Variants in GRIN3A observed in about 807,000 individuals in gnomAD.
GRIN3A encodes the protein glutamate ionotropic receptor NMDA type subunit 3A, also known as glutamate receptor ionotropic, NMDA 3A.
GRIN3A carries 47 observed loss-of-function variants against 92.4 expected under a neutral mutation model. The observed-to-expected ratio is 0.51, with a 90% CI of 0.40 to 0.65. The LOEUF (loss-of-function observed/expected upper bound fraction) is 0.65. Ranked by LOEUF, GRIN3A falls within the 30% of genes least tolerant of loss-of-function variation. The pLI is 0.00. For synonymous variants in GRIN3A, 527 were observed against 540.6 expected, an observed-to-expected ratio of 0.97 and a Z score of 0.35; for missense variants, 1,324 against 1,393.1, an observed-to-expected ratio of 0.95 and a Z score of 0.79.
At chr9:101,578,303 A>C (rs1286152195) in intron 7 of GRIN3A, among the ~76,000 whole-genome samples, 2 of 152,326 alleles carry the variant, frequency 1.3e-5, no homozygotes, top group African/African-American at 4.8e-5. Context: ...TCCCAGGATA[A>C]AAGTAGGAAG....
intron 6 of GRIN3A, among the ~76,000 whole-genome samples, chr9:101,584,400 G>T (rs1827924887): frequency 6.6e-6 from 1 of 152,180 alleles, no homozygotes; most frequent in South Asian, 2.1e-4. Context: ...AACATAGTTT[G>T]TATCTGATAC....
chr9:101,716,901 A>G (rs1296909535), intron 1 of GRIN3A, among the ~76,000 whole-genome samples: 2 of 152,192 alleles, frequency 1.3e-5, no homozygotes, highest in Non-Finnish European at 2.9e-5. Context: ...ATATCTGGCA[A>G]TGTTCCCTGT....
chr9:101,641,269 A>C lies in GRIN3A; in HGVS notation c.2353-12868T>G, dbSNP rs967030010. 2.6e-5 allele frequency among the ~76,000 whole-genome samples: 4 copies of C among 152,210 alleles called. No individual in the cohort carries two copies. In the South Asian group the frequency reaches 8.3e-4, roughly 31 times the overall value. ...TAGAACTAGAAATACCATTTGACCCAGCCATCCCATTACTGGGTATATACC... is the reference window on the plus strand; with the variant it reads ...TAGAACTAGAAATACCATTTGACCCCGCCATCCCATTACTGGGTATATACC... On this transcript the variant is annotated intron_variant, in intron 3 of 8. Coordinates refer to ENST00000361820, the MANE Select transcript of GRIN3A (RefSeq NM_133445.3).
rs906548185 is a variant in GRIN3A at position 101,726,752 on chromosome 9, T to A, written c.699+10529A>T. Among the ~76,000 whole-genome samples, 22 of 151,506 alleles carry A rather than the reference T, an allele frequency of 1.5e-4. No individual in the cohort carries two copies. In the East Asian group the frequency reaches 3.3e-3, roughly 23 times the overall value. On this transcript the variant is annotated intron_variant, in intron 1 of 8. Coordinates refer to ENST00000361820, the MANE Select transcript of GRIN3A (RefSeq NM_133445.3). Reference sequence around the variant, plus strand: ...TATTTATTTTAAATTTAAATTTAAATTTTTAAAAAGTTTTTTATTTTTGTG... The same window carrying A: ...TATTTATTTTAAATTTAAATTTAAAATTTTAAAAAGTTTTTTATTTTTGTG...
Position 101,670,137 on chromosome 9 carries a change from T to C in GRIN3A, c.2275A>G (p.Thr759Ala), listed in dbSNP as rs377021559. The C allele has an allele frequency of 6.2e-7, 1 of 1,613,652 alleles. No homozygotes were observed. The highest frequency in any genetic ancestry group is 8.5e-7 in the Non-Finnish European group (1 of 1,179,772). ...ACAGCAGCCAAGTTTGCCGTGTATG[T>C]GGAAAGGCAAAACATACAGAAAATG... ...WAIFCMFCLS[T>A]YTANLAAVMV... Residue 759 changes from threonine to alanine, a missense_variant, in exon 3 of 9, where the codon ACA becomes GCA. Transcript: ENST00000361820.
rs539384831 is a variant in GRIN3A at position 101,699,700 on chromosome 9, C to A, written c.700-12500G>T. ...CCAGACTATGCATGAGCCATCACAG[C>A]AGACTGTTATATATCCCCATGTATT... On this transcript the variant is annotated intron_variant, in intron 1 of 8. Coordinates refer to ENST00000361820, the MANE Select transcript of GRIN3A (RefSeq NM_133445.3). Among the ~76,000 whole-genome samples the A allele has an allele frequency of 1.5e-4, 23 of 152,282 alleles. 1 individual carries two copies. In the South Asian group the frequency reaches 3.5e-3, roughly 23 times the overall value.
At chr9:101,726,388 T>A (rs1378306328) in intron 1 of GRIN3A, among the ~76,000 whole-genome samples, 1 of 152,150 alleles carries the variant, frequency 6.6e-6, no homozygotes, top group Non-Finnish European at 1.5e-5. Context: ...AGAAGAGCCA[T>A]TGGGCCCCAG....
intron 6 of GRIN3A, chr9:101,594,742 G>T: frequency 6.2e-7 from 1 of 1,614,136 alleles, no homozygotes; most frequent in Non-Finnish European, 8.5e-7. Flanking sequence ...TGTCGAAGAC[G>T]TCGATCACTC....
chr9:101,605,817 C>T (rs1828273552), intron 6 of GRIN3A, among the ~76,000 whole-genome samples: 1 of 152,148 alleles, frequency 6.6e-6, no homozygotes, highest in Non-Finnish European at 1.5e-5. Flanking sequence ...CTCTGGGTTC[C>T]AAGGTTAGAG....
intron 3 of GRIN3A, among the ~76,000 whole-genome samples, chr9:101,643,066 T>G (rs946850894): frequency 6.6e-6 from 1 of 152,040 alleles, no homozygotes; most frequent in Non-Finnish European, 1.5e-5. Flanking sequence ...AAACCATCCT[T>G]CCCCACCATC....
intron 3 of GRIN3A, among the ~76,000 whole-genome samples, chr9:101,645,157 C>T (rs1169333923): frequency 6.6e-6 from 1 of 151,910 alleles, no homozygotes; most frequent in African/African-American, 2.4e-5. Flanking sequence ...TCACCCCTCC[C>T]CCCATGCTTC....
chr9:101,702,094 G>C (rs750264025), intron 1 of GRIN3A, among the ~76,000 whole-genome samples: 26 of 152,120 alleles, frequency 1.7e-4, no homozygotes, highest in African/African-American at 6.0e-4. Context: ...TTGAGGCCAG[G>C]AGTTCAAGAC....
rs1409149547 is a variant in GRIN3A, at chr9:101,579,284, G to A, written c.2843C>T (p.Thr948Ile). The stretch of plus-strand genomic sequence containing the variant: ...GTATACTATGTGCTCACCAATGGTG[G>A]TCAAAATGGACAGACCAAATCCAAT... The part of the protein sequence containing the change: ...LCIGFGLSIL[T>I]TIGEHIVYRL... The change falls in exon 7 of 9, where the codon ACC (threonine) becomes ATC (isoleucine). Residue 948 changes from threonine to isoleucine, a missense_variant. Coordinates refer to ENST00000361820, the MANE Select transcript of GRIN3A (RefSeq NM_133445.3). 5 of 1,613,990 alleles carry A rather than the reference G, an allele frequency of 3.1e-6. No individual in the cohort carries two copies. Among genetic ancestry groups the A allele is most frequent in the Non-Finnish European group, 4.2e-6 (5 of 1,179,924 alleles).
chr9:101,594,041 A>G (rs1290707885), intron 6 of GRIN3A: 1 of 190,414 alleles, frequency 5.3e-6, no homozygotes, highest in Non-Finnish European at 1.1e-5. Flanking sequence ...CAAATTATAA[A>G]TTTCCTCCCA....
intron 1 of GRIN3A, among the ~76,000 whole-genome samples, chr9:101,688,737 G>A (rs1260671161): frequency 6.6e-6 from 1 of 152,092 alleles, no homozygotes; most frequent in East Asian, 1.9e-4. Flanking sequence ...TGGCTGTTAT[G>A]GTGAAACCCC....
chr9:101,733,773 G>A (rs1380872870), intron 1 of GRIN3A, among the ~76,000 whole-genome samples: 3 of 152,156 alleles, frequency 2.0e-5, no homozygotes, highest in East Asian at 1.9e-4. Context: ...ATATTAATTT[G>A]TTAGTACATA....
At chr9:101,712,897 T>C (rs1829897246) in intron 1 of GRIN3A, among the ~76,000 whole-genome samples, 1 of 152,212 alleles carries the variant, frequency 6.6e-6, no homozygotes, top group Non-Finnish European at 1.5e-5. Context: ...ACAGATCCTA[T>C]TATTTCTATC....
At chr9:101,582,116 A>G (rs1446957536) in intron 6 of GRIN3A, among the ~76,000 whole-genome samples, 1 of 152,058 alleles carries the variant, frequency 6.6e-6, no homozygotes, top group Non-Finnish European at 1.5e-5. Context: ...TGATCCTCCC[A>G]TTCTCTTTAA....
chr9:101,606,439 G>T (rs889769304), intron 6 of GRIN3A, among the ~76,000 whole-genome samples: 2 of 152,052 alleles, frequency 1.3e-5, no homozygotes, highest in African/African-American at 4.8e-5. Flanking sequence ...CTGGTCAAAT[G>T]GCCAAGGCTC....
Sources: allele counts gnomAD v4.1 joint callset (sites outside exome capture counted in the v4.1 genomes callset), GRCh38; gene constraint gnomAD v4.1.1; transcripts MANE v1.5; gene names NCBI Gene and HGNC (gene_info 2026-07-23, HGNC 2026-07-21).